The following CENPC variants were observed in gnomAD, a reference collection of about 807,000 sequenced individuals.
The protein encoded by CENPC is centromere protein C, also known as CENP-C 1.
A neutral mutation model predicts 112.1 loss-of-function variants in CENPC; 63 were observed. The observed-to-expected ratio is 0.56, with a 90% CI of 0.46 to 0.69. The LOEUF (loss-of-function observed/expected upper bound fraction) is 0.69. CENPC is among the 30% of genes least tolerant of loss of function. The probability of loss-of-function intolerance (pLI) is 0.00; values close to 1 mark genes in which losing one functional copy is unlikely to be tolerated. For missense variants in CENPC, 1,000 were observed against 1,103.8 expected (o/e 0.91, Z 1.33); for synonymous variants, 333 against 367.6 (o/e 0.91, Z 1.08).
At chr4:67,531,253 T>A (rs1440252539) in intron 4 of CENPC, among the ~76,000 whole-genome samples, 4 of 151,920 alleles carry the variant, frequency 2.6e-5, no homozygotes, top group African/African-American at 9.7e-5. Flanking sequence ...ACAAATAAAC[T>A]ACAATAATAT....
chr4:67,524,874 T>A (rs192955992), intron 5 of CENPC, among the ~76,000 whole-genome samples: 68 of 152,114 alleles, frequency 4.5e-4, no homozygotes, highest in African/African-American at 1.6e-3. Flanking sequence ...GCCAAGACAA[T>A]CCTAAGCAAA....
chr4:67,525,551 A>G lies in CENPC; in HGVS notation c.331+5264T>C, dbSNP rs187067803. The stretch of plus-strand genomic sequence containing the variant: ...CTCAGAAGAAGACATTTACACAGCC[A>G]ACAAACATAATTAAAAAAAAGCTCA... On this transcript the variant is annotated intron_variant, in intron 5 of 18. Transcript: ENST00000273853. 2.4e-3 allele frequency among the ~76,000 whole-genome samples: 367 copies of G among 152,342 alleles called. 2 individuals are homozygous for G. The highest frequency in any genetic ancestry group is 8.3e-3 in the African/African-American group (346 of 41,582).
At chr4:67,522,860 C>T (rs1726267139) in intron 5 of CENPC, among the ~76,000 whole-genome samples, 3 of 151,956 alleles carry the variant, frequency 2.0e-5, no homozygotes, top group African/African-American at 2.4e-5. Flanking sequence ...ATTATGTGGG[C>T]GCAGTGGTGT....
intron 17 of CENPC, among the ~76,000 whole-genome samples, chr4:67,489,191 TATAC>T (rs1311028035): frequency 1.2e-5 from 1 of 85,006 alleles, no homozygotes; most frequent in Non-Finnish European, 2.8e-5. Context: ...ATATTCCTGT[TATAC>T]ATACACACAC....
chr4:67,494,873 CA>C (rs1285211640), intron 13 of CENPC, among the ~76,000 whole-genome samples: 3 of 152,158 alleles, frequency 2.0e-5, no homozygotes, highest in Non-Finnish European at 1.5e-5. Flanking sequence ...GTTTCTTTGA[CA>C]AAATTCTCCA....
chr4:67,536,240 G>T (rs921949480), intron 4 of CENPC, among the ~76,000 whole-genome samples: 1 of 152,020 alleles, frequency 6.6e-6, no homozygotes, highest in Non-Finnish European at 1.5e-5. Context: ...AATGTTTCAA[G>T]AAAATTATAA....
chr4:67,544,291 C>A, intron 1 of CENPC, 96 bp from the exon 2 acceptor site: 1 of 682,214 alleles, frequency 1.5e-6, no homozygotes, highest in Non-Finnish European at 2.7e-6. Context: ...GCATGCTATA[C>A]ACCAAACATC....
chr4:67,526,914 T>C (rs1726396850), intron 5 of CENPC, among the ~76,000 whole-genome samples: 1 of 152,080 alleles, frequency 6.6e-6, no homozygotes, highest in African/African-American at 2.4e-5. Flanking sequence ...TCTTCATAAA[T>C]GTAGAACTGA....
Position 67,493,992 on chromosome 4 carries a change from T to C in CENPC, c.2186-4A>G. On this transcript the variant is annotated splice_polypyrimidine_tract_variant and splice_region_variant and intron_variant, in intron 13 of 18. Coordinates refer to ENST00000273853, the MANE Select transcript of CENPC (RefSeq NM_001812.4). Reference sequence around the variant, plus strand: ...TTTGGTGTGTTGGAGGGCAATACTATAAAAAGATGTCAGACAAAAGTGTAT... The same window carrying C: ...TTTGGTGTGTTGGAGGGCAATACTACAAAAAGATGTCAGACAAAAGTGTAT... The C allele has an allele frequency of 6.3e-7, 1 of 1,595,660 alleles. No individual in the cohort carries two copies. The highest frequency in any genetic ancestry group is 1.1e-5 in the South Asian group (1 of 88,596).
At chr4:67,527,317 C>CA (rs1726411347) in intron 5 of CENPC, among the ~76,000 whole-genome samples, 2 of 151,812 alleles carry the variant, frequency 1.3e-5, no homozygotes, top group Admixed American at 1.3e-4. Context: ...TGGATTTATG[C>CA]AAAAAATGCA....
chr4:67,538,292 T>C (rs1387984091), intron 4 of CENPC, among the ~76,000 whole-genome samples: 1 of 152,226 alleles, frequency 6.6e-6, no homozygotes. Context: ...GAATATTTTA[T>C]ATTCCCAACA....
chr4:67,544,242 G>C (rs765220108), intron 1 of CENPC, 47 bp from the exon 2 acceptor site: 11 of 1,055,582 alleles, frequency 1.0e-5, no homozygotes, highest in Admixed American at 1.9e-5. Flanking sequence ...AGATAGAGTC[G>C]AGTAAAATTT....
Position 67,539,932 on chromosome 4 carries a change from G to C in CENPC, c.139C>G (p.Leu47Val), listed in dbSNP as rs376946836. ...ILQDCFEEKS[L>V]ANDFSTNSTK... ...GAATTTGTACTAAAATCATTGGCAA[G>C]ACCTAAAACAAAAGTATGAAATTTT... The change falls in exon 4 of 19, where the codon CTT becomes GTT. Residue 47 changes from leucine (L) to valine (V), a missense_variant and splice_region_variant. Physicochemically the swap from Leu to Val is conservative, Grantham distance 32 (BLOSUM62 1). Transcript: ENST00000273853. 1.0e-5 allele frequency: 15 copies of C among 1,487,732 alleles called. No homozygotes were observed. In the African/African-American group the frequency reaches 2.2e-4, roughly 21 times the overall value. 92.2% of individuals were successfully genotyped at this position (1,487,732 alleles called of 1,614,324 possible). A position where few individuals can be genotyped will look rare whatever the true frequency, so the allele number is the denominator to read the frequency against.
chr4:67,488,497 A>G (rs1455873539), intron 17 of CENPC, among the ~76,000 whole-genome samples: 1 of 152,010 alleles, frequency 6.6e-6, no homozygotes, highest in Non-Finnish European at 1.5e-5. Context: ...CACAGGTTAC[A>G]GGGTATGAAT....
chr4:67,491,563 C>A (rs1036423419), intron 16 of CENPC, among the ~76,000 whole-genome samples: 31 of 137,294 alleles, frequency 2.3e-4, no homozygotes, highest in Non-Finnish European at 4.2e-4. Context: ...TCCATAAACT[C>A]CTATCCCACT....
In CENPC at chr4:67,469,623, A is replaced by G. The variant is rs6813529; in HGVS notation, c.*2982T>C. 95,352 of 152,314 alleles carry G rather than the reference A, an allele frequency of 0.63. 30,084 individuals are homozygous for G. The highest frequency in any genetic ancestry group is 0.81 in the East Asian group (4,207 of 5,178). 9.4% of individuals were successfully genotyped at this position (152,314 alleles called of 1,614,324 possible). On this transcript the variant is annotated 3_prime_UTR_variant, in exon 19 of 19. Coordinates refer to ENST00000273853, the MANE Select transcript of CENPC (RefSeq NM_001812.4). ...CTCCCAAAGTGTTGGGATTACAGGCATGAGCCACCATGCCCGGGTAGAAGT... is the reference window on the plus strand; with the variant it reads ...CTCCCAAAGTGTTGGGATTACAGGCGTGAGCCACCATGCCCGGGTAGAAGT...
chr4:67,478,475 A>G (rs935430068), intron 17 of CENPC, among the ~76,000 whole-genome samples: 10 of 152,196 alleles, frequency 6.6e-5, no homozygotes, highest in East Asian at 5.8e-4. Context: ...AAAGAAAGAT[A>G]AAGTCTTTTT....
At position 67,506,860 on chromosome 4, in the gene CENPC, C is replaced by A; in HGVS notation, c.1979G>T (p.Gly660Val). 7 of 1,612,342 alleles carry A rather than the reference C, an allele frequency of 4.3e-6. No homozygotes were observed. Among genetic ancestry groups the A allele is most frequent in the Non-Finnish European group, 5.9e-6 (7 of 1,178,896 alleles). Residue 660 changes from glycine to valine, a missense_variant, in exon 11 of 19, where the codon GGA (glycine) becomes GTA (valine). Physicochemically the swap from Gly to Val is moderately radical, Grantham distance 109. Coordinates refer to ENST00000273853, the MANE Select transcript of CENPC (RefSeq NM_001812.4). ...CTCTGTTGGTATATTACATGTATATCCACTGGTCTGAGGCTTTAGGGGAAC... is the reference window on the plus strand; with the variant it reads ...CTCTGTTGGTATATTACATGTATATACACTGGTCTGAGGCTTTAGGGGAAC... ...QNVPLKPQTS[G>V]YTCNIPTESN...
chr4:67,529,357 C>T lies in CENPC; in HGVS notation c.331+1458G>A, dbSNP rs189062845. Among the ~76,000 whole-genome samples the T allele has an allele frequency of 4.4e-3, 668 of 152,258 alleles. 6 individuals carry two copies. The highest frequency in any genetic ancestry group is 6.8e-3 in the Middle Eastern group (2 of 294). ...ATTTATTTTTGGAGACGGGGTCTCA[C>T]TCTGTCGCCCAGGCTGGAGTGCAGT... On this transcript the variant is annotated intron_variant, in intron 5 of 18. Coordinates refer to ENST00000273853, the MANE Select transcript of CENPC (RefSeq NM_001812.4).
Sources: gnomAD v4.1 joint callset for allele counts (sites outside exome capture counted in the v4.1 genomes callset) on GRCh38, gnomAD v4.1.1 for gene constraint, MANE v1.5 for transcripts, NCBI Gene and HGNC (gene_info 2026-07-23, HGNC 2026-07-21) for gene names.